HTR4: variants seen among roughly 807,000 people sequenced by gnomAD.
The protein encoded by HTR4 is 5-hydroxytryptamine receptor 4.
A neutral mutation model predicts 36.8 loss-of-function variants in HTR4; 16 were observed. That is an observed-to-expected ratio of 0.43 (90% CI 0.29 to 0.66). The LOEUF (loss-of-function observed/expected upper bound fraction) is 0.66. HTR4 is among the 30% of genes least tolerant of loss of function. The probability of loss-of-function intolerance (pLI) is 0.13; values close to 1 mark genes in which losing one functional copy is unlikely to be tolerated. For synonymous variants in HTR4, 189 were observed against 185.1 expected (o/e 1.02, Z -0.17); for missense variants, 438 against 490.9 (o/e 0.89, Z 1.02).
At chr5:148,511,619 T>TTGTGTGTG (rs529668445) in intron 5 of HTR4, among the ~76,000 whole-genome samples, 2,071 of 139,310 alleles carry the variant, frequency 0.015, 46 homozygotes, top group African/African-American at 0.042. Context: ...TTGTGGAAGT[T>TTGTGTGTG]TGTGTGTGTG....
chr5:148,577,905 A>G (rs1434589481), intron 2 of HTR4, among the ~76,000 whole-genome samples: 1 of 151,970 alleles, frequency 6.6e-6, no homozygotes, highest in East Asian at 1.9e-4. Flanking sequence ...TAATCTGTAC[A>G]ACAAACTCCC....
chr5:148,504,117 T>C (rs1757068942), intron 6 of HTR4, among the ~76,000 whole-genome samples: 1 of 152,120 alleles, frequency 6.6e-6, no homozygotes, highest in African/African-American at 2.4e-5. Flanking sequence ...TATCCAAGAA[T>C]TAAACTCAGC....
intron 4 of HTR4, among the ~76,000 whole-genome samples, chr5:148,533,637 A>G (rs1293631777): frequency 6.6e-6 from 1 of 152,222 alleles, no homozygotes; most frequent in Non-Finnish European, 1.5e-5. Flanking sequence ...GAATTGGAGG[A>G]GATAGTAGCA....
At chr5:148,574,831 A>G (rs1009363310) in intron 2 of HTR4, among the ~76,000 whole-genome samples, 2 of 152,090 alleles carry the variant, frequency 1.3e-5, no homozygotes, top group African/African-American at 4.8e-5. Flanking sequence ...CCCACCACAG[A>G]ATTCATTTTA....
chr5:148,550,041 T>A (rs1274249542), intron 3 of HTR4, 96 bp downstream of exon 3: 10 of 1,290,226 alleles, frequency 7.8e-6, no homozygotes, highest in Admixed American at 2.4e-5. Flanking sequence ...GTTTTCTTTC[T>A]TAATTACAAA....
At chr5:148,605,402 G>C (rs995896745) in intron 2 of HTR4, among the ~76,000 whole-genome samples, 3 of 151,576 alleles carry the variant, frequency 2.0e-5, no homozygotes, top group Non-Finnish European at 4.4e-5. Context: ...GGGATTACAG[G>C]TGTCTGCCAC....
intron 5 of HTR4, among the ~76,000 whole-genome samples, chr5:148,516,438 G>C (rs1374520596): frequency 6.7e-6 from 1 of 149,930 alleles, no homozygotes; most frequent in Non-Finnish European, 1.5e-5. Flanking sequence ...TTCTGCCTCG[G>C]TCTCCTGAGT....
chr5:148,632,815 C>A (rs780276281), intron 2 of HTR4, among the ~76,000 whole-genome samples: 1 of 152,002 alleles, frequency 6.6e-6, no homozygotes, highest in Non-Finnish European at 1.5e-5. Flanking sequence ...ACGTGTCAGC[C>A]GGGAGAATCT....
At chr5:148,508,933 A>C (rs1289294406) in intron 6 of HTR4, among the ~76,000 whole-genome samples, 1 of 152,132 alleles carries the variant, frequency 6.6e-6, no homozygotes, top group African/African-American at 2.4e-5. Context: ...TTTAAAGGTG[A>C]GGAAAGTAAA....
At chr5:148,547,897 C>A (rs1759470673) in intron 4 of HTR4, among the ~76,000 whole-genome samples, 1 of 152,162 alleles carries the variant, frequency 6.6e-6, no homozygotes, top group African/African-American at 2.4e-5. Flanking sequence ...GAGCTAACCC[C>A]TAAGATACTA....
Position 148,558,044 on chromosome 5 carries a change from C to T in HTR4, c.27-7782G>A, listed in dbSNP as rs528425663. On this transcript the variant is annotated intron_variant, in intron 2 of 6. Transcript: ENST00000377888. ...CACAAGAAATATTCTTGAAAATATA[C>T]ACAGCACATCCACAAAAGATCCCAT... is the stretch of plus-strand genomic sequence containing the variant. Among the ~76,000 whole-genome samples the T allele has an allele frequency of 1.4e-3, 211 of 151,954 alleles. 4 individuals carry two copies. The highest frequency in any genetic ancestry group is 2.4e-3 in the Non-Finnish European group (165 of 67,980).
chr5:148,577,674 G>A (rs1374418683), intron 2 of HTR4, among the ~76,000 whole-genome samples: 4 of 152,190 alleles, frequency 2.6e-5, no homozygotes, highest in East Asian at 1.9e-4. Context: ...GCAGGAAAAT[G>A]GATGGAGCTG....
intron 2 of HTR4, among the ~76,000 whole-genome samples, chr5:148,623,631 C>T (rs1394541075): frequency 6.6e-6 from 1 of 152,042 alleles, no homozygotes; most frequent in Non-Finnish European, 1.5e-5. Flanking sequence ...TCTGGACATA[C>T]TTAAAAACAG....
At chr5:148,627,909 A>C (rs1406026934) in intron 2 of HTR4, among the ~76,000 whole-genome samples, 1 of 152,246 alleles carries the variant, frequency 6.6e-6, no homozygotes, top group Non-Finnish European at 1.5e-5. Flanking sequence ...CACTGTTTTC[A>C]AAATGTAAGT....
downstream of HTR4, among the ~76,000 whole-genome samples, chr5:148,474,392 G>T (rs1429875248): frequency 6.6e-6 from 1 of 152,034 alleles, no homozygotes; most frequent in East Asian, 1.9e-4. Context: ...GTGGCATATG[G>T]GTCCCTATTT....
chr5:148,573,095 C>T (rs905904593), intron 2 of HTR4, among the ~76,000 whole-genome samples: 1 of 152,070 alleles, frequency 6.6e-6, no homozygotes. Flanking sequence ...TCTCTGAACA[C>T]TGTCATGCAG....
intron 2 of HTR4, among the ~76,000 whole-genome samples, chr5:148,577,908 A>T (rs1760990781): frequency 6.6e-6 from 1 of 152,020 alleles, no homozygotes; most frequent in African/African-American, 2.4e-5. Context: ...TCTGTACAAC[A>T]AACTCCCATG....
At chr5:148,565,710 A>G (rs1191734525) in intron 2 of HTR4, among the ~76,000 whole-genome samples, 2 of 152,168 alleles carry the variant, frequency 1.3e-5, no homozygotes, top group Non-Finnish European at 2.9e-5. Flanking sequence ...TGAGGGAGTG[A>G]AGGTGATGGG....
rs759741841 is a variant in HTR4 at position 148,598,477 on chromosome 5, G to A, written c.26+38512C>T. On this transcript the variant is annotated intron_variant, in intron 2 of 6. Transcript: ENST00000377888. ...TAAGGCAAGAGAAACACTTGAACCC[G>A]GGAGATGGAGGTTGCAGTGAGCCAA... Among the ~76,000 whole-genome samples the A allele has an allele frequency of 1.9e-4, 29 of 151,938 alleles. 1 individual carries two copies. Among genetic ancestry groups the A allele is most frequent in the African/African-American group, 6.0e-4 (25 of 41,356 alleles).
Sources: gnomAD v4.1 joint callset for allele counts (sites outside exome capture counted in the v4.1 genomes callset) on GRCh38, gnomAD v4.1.1 for gene constraint, MANE v1.5 for transcripts, NCBI Gene and HGNC (gene_info 2026-07-23, HGNC 2026-07-21) for gene names.